The following FHOD3 variants were observed in gnomAD, a reference collection of about 807,000 sequenced individuals.
FHOD3 encodes the protein FH1/FH2 domain-containing protein 3.
FHOD3 carries 90 observed loss-of-function variants against 173.0 expected under a neutral mutation model. The ratio of observed to expected loss-of-function variants is 0.52; its 90% CI spans 0.44 to 0.62. The LOEUF is 0.62. Ranked by LOEUF, FHOD3 falls within the 20% of genes least tolerant of loss-of-function variation. The pLI, the probability that FHOD3 is intolerant of heterozygous loss-of-function variation, is 0.00. For synonymous variants in FHOD3, 828 were observed against 823.0 expected (o/e 1.01, Z -0.10); for missense variants, 1,945 against 2,034.7 (o/e 0.96, Z 0.85).
At chr18:36,579,673 C>T (rs1456536362) in intron 6 of FHOD3, among the ~76,000 whole-genome samples, 2 of 152,194 alleles carry the variant, frequency 1.3e-5, no homozygotes, top group African/African-American at 2.4e-5. Context: ...AGGGCACAAC[C>T]TTCCTGCCCT....
At chr18:36,440,710 A>G (rs924536470) in intron 3 of FHOD3, among the ~76,000 whole-genome samples, 1 of 152,248 alleles carries the variant, frequency 6.6e-6, no homozygotes, top group Non-Finnish European at 1.5e-5. Flanking sequence ...AAAAAACCCA[A>G]TACATAATAA....
rs1264832582 is a variant in FHOD3 at position 36,501,191 on chromosome 18, G to A, written c.338-741G>A. 3.9e-5 allele frequency among the ~76,000 whole-genome samples: 6 copies of A among 152,348 alleles called. No homozygotes were observed. The East Asian group carries it at 1.2e-3, about 29-fold the overall frequency. On this transcript the variant is annotated intron_variant, in intron 3 of 28. Coordinates refer to ENST00000590592, the MANE Select transcript of FHOD3 (RefSeq NM_001281740.3). The stretch of plus-strand genomic sequence containing the variant: ...AAGTCAGCCCAAGTCTTCAGCCAGA[G>A]AATTCCAAGAGTGGGATCTTTCATC...
At chr18:36,720,717 T>C (rs1226774997) in intron 19 of FHOD3, among the ~76,000 whole-genome samples, 5 of 142,130 alleles carry the variant, frequency 3.5e-5, no homozygotes, top group African/African-American at 5.4e-5. Flanking sequence ...TCCTCCTCCT[T>C]CTCTTCCTCC....
chr18:36,763,339 A>C (rs2042987818), intron 27 of FHOD3, among the ~76,000 whole-genome samples: 1 of 139,804 alleles, frequency 7.2e-6, no homozygotes, highest in Non-Finnish European at 1.5e-5. Flanking sequence ...CGTTATATAC[A>C]ATATGCGTAT....
chr18:36,581,133 G>C (rs2058835253), intron 6 of FHOD3, among the ~76,000 whole-genome samples: 1 of 152,110 alleles, frequency 6.6e-6, no homozygotes, highest in Admixed American at 6.5e-5. Flanking sequence ...CTTTTTAAAA[G>C]AAAGAAAAAA....
chr18:36,574,180 T>C (rs1468366130), intron 5 of FHOD3, among the ~76,000 whole-genome samples: 1 of 152,216 alleles, frequency 6.6e-6, no homozygotes, highest in East Asian at 1.9e-4. Flanking sequence ...AAAATAATTA[T>C]AGTTCTAGAT....
At chr18:36,488,962 TC>T (rs1262925374) in intron 3 of FHOD3, among the ~76,000 whole-genome samples, 1 of 152,080 alleles carries the variant, frequency 6.6e-6, no homozygotes, top group African/African-American at 2.4e-5. Context: ...GGTGGCAGGT[TC>T]TTTGAGCTGA....
chr18:36,512,550 C>A lies in FHOD3; in HGVS notation c.511+7C>A. ...CAGAACTACATCTTAAGGGGTAAGTCATGACTGGGCATGCAGCAGCTGCCC... is the reference window on the plus strand; with the variant it reads ...CAGAACTACATCTTAAGGGGTAAGTAATGACTGGGCATGCAGCAGCTGCCC... On this transcript the variant is annotated splice_region_variant and intron_variant, in intron 5 of 28. Coordinates refer to ENST00000590592, the MANE Select transcript of FHOD3 (RefSeq NM_001281740.3). The A allele has an allele frequency of 1.3e-6, 2 of 1,595,400 alleles. No homozygotes were observed. The highest frequency in any genetic ancestry group is 2.2e-5 in the South Asian group (2 of 90,524).
intron 3 of FHOD3, among the ~76,000 whole-genome samples, chr18:36,491,151 G>A (rs905289028): frequency 1.3e-5 from 2 of 152,174 alleles, no homozygotes; most frequent in African/African-American, 4.8e-5. Flanking sequence ...GCCTGGGGCT[G>A]CATGTGTTTG....
At chr18:36,673,278 G>A (rs1404050928) in intron 14 of FHOD3, among the ~76,000 whole-genome samples, 1 of 152,150 alleles carries the variant, frequency 6.6e-6, no homozygotes, top group East Asian at 1.9e-4. Context: ...AGAAAAAGGA[G>A]AGGTTACTGT....
intron 2 of FHOD3, among the ~76,000 whole-genome samples, chr18:36,360,585 C>T (rs1368066735): frequency 6.6e-6 from 1 of 152,090 alleles, no homozygotes; most frequent in East Asian, 1.9e-4. Context: ...GTACATGGGT[C>T]CTGCCAGCTT....
intron 6 of FHOD3, among the ~76,000 whole-genome samples, chr18:36,583,568 T>A (rs2058928179): frequency 6.6e-6 from 1 of 152,108 alleles, no homozygotes; most frequent in South Asian, 2.1e-4. Flanking sequence ...CTTCCTCCTT[T>A]AGGGTTGTTG....
chr18:36,702,512 G>C (rs1339082968), intron 17 of FHOD3, among the ~76,000 whole-genome samples: 1 of 151,438 alleles, frequency 6.6e-6, no homozygotes, highest in Non-Finnish European at 1.5e-5. Context: ...TATTAGCTCT[G>C]AGCTGGGGAG....
Position 36,718,063 on chromosome 18 carries a change from G to A in FHOD3, c.2765G>A (p.Ser922Asn), listed in dbSNP as rs761187077. ...LQANSQTQDESVRRVDVGCLD... is the reference protein window; with the variant it reads ...LQANSQTQDENVRRVDVGCLD... Reference sequence around the variant, plus strand: ...GCCAACTCTCAGACCCAGGATGAGAGTGTCAGGAGGGTGGATGTCGGCTGT... The same window carrying A: ...GCCAACTCTCAGACCCAGGATGAGAATGTCAGGAGGGTGGATGTCGGCTGT... The change falls in exon 19 of 29, where the codon AGT (serine) becomes AAT (asparagine). Residue 922 changes from serine (S) to asparagine (N), a missense_variant. By Grantham distance (46) the Ser-to-Asn change is conservative (BLOSUM62 1). Transcript: ENST00000590592. The A allele has an allele frequency of 2.4e-5, 39 of 1,599,422 alleles. No individual in the cohort carries two copies. The highest frequency in any genetic ancestry group is 3.0e-5 in the Non-Finnish European group (35 of 1,172,106).
chr18:36,756,718 T>C (rs2042648896), intron 25 of FHOD3, among the ~76,000 whole-genome samples: 1 of 152,230 alleles, frequency 6.6e-6, no homozygotes, highest in Non-Finnish European at 1.5e-5. Flanking sequence ...TCTCTTACCA[T>C]CCACCTTTGT....
chr18:36,763,492 TTA>T (rs1218141901), intron 27 of FHOD3, among the ~76,000 whole-genome samples: 4 of 142,660 alleles, frequency 2.8e-5, no homozygotes, highest in Non-Finnish European at 4.7e-5. Flanking sequence ...ATTATACACG[TTA>T]TATATAATAT....
At chr18:36,598,341 A>G (rs2030814817) in intron 7 of FHOD3, among the ~76,000 whole-genome samples, 1 of 152,204 alleles carries the variant, frequency 6.6e-6, no homozygotes, top group African/African-American at 2.4e-5. Context: ...TACTACCTAA[A>G]GCAAATGAAG....
At chr18:36,393,001 T>C (rs1431458091) in intron 3 of FHOD3, among the ~76,000 whole-genome samples, 1 of 152,196 alleles carries the variant, frequency 6.6e-6, no homozygotes, top group African/African-American at 2.4e-5. Flanking sequence ...ATATATTAAG[T>C]CTGCCCACAA....
chr18:36,358,543 T>C (rs944383148), intron 2 of FHOD3, among the ~76,000 whole-genome samples: 5 of 152,186 alleles, frequency 3.3e-5, no homozygotes, highest in Admixed American at 6.5e-5. Context: ...TTCTATACTC[T>C]AGTAGCTAGG....
Sources: allele counts gnomAD v4.1 joint callset (sites outside exome capture counted in the v4.1 genomes callset), GRCh38; gene constraint gnomAD v4.1.1; transcripts MANE v1.5; gene names NCBI Gene and HGNC (gene_info 2026-07-23, HGNC 2026-07-21).